Variants in USP33 observed in about 807,000 individuals in gnomAD.
The protein encoded by USP33 is ubiquitin specific peptidase 33, also known as ubiquitin carboxyl-terminal hydrolase 33.
In USP33, 46 loss-of-function variants were observed where a neutral mutation model predicts 124.2. The ratio of observed to expected loss-of-function variants is 0.37; its 90% CI spans 0.29 to 0.47. The LOEUF is 0.47. Ranked by LOEUF, USP33 falls within the 20% of genes least tolerant of loss-of-function variation. The probability of loss-of-function intolerance (pLI) is 0.99; values close to 1 mark genes in which losing one functional copy is unlikely to be tolerated. For missense variants in USP33, 851 were observed against 1,070.6 expected (o/e 0.79, Z 2.86); for synonymous variants, 350 against 352.3 (o/e 0.99, Z 0.07).
At chr1:77,731,065 T>A (rs1389670331) in intron 7 of USP33, among the ~76,000 whole-genome samples, 1 of 152,202 alleles carries the variant, frequency 6.6e-6, no homozygotes, top group Non-Finnish European at 1.5e-5. Context: ...CTCTTGAAAC[T>A]CCTTTTCCCT....
intron 1 of USP33, among the ~76,000 whole-genome samples, chr1:77,758,174 C>CGT (rs1680977210): frequency 7.6e-6 from 1 of 131,816 alleles, no homozygotes; most frequent in African/African-American, 3.1e-5. Flanking sequence ...TTTGTACTGT[C>CGT]CTTTTTTTTT....
intron 20 of USP33, among the ~76,000 whole-genome samples, chr1:77,712,143 A>T (rs1222944465): frequency 2.0e-5 from 3 of 152,232 alleles, no homozygotes; most frequent in Non-Finnish European, 4.4e-5. Flanking sequence ...ATCATACAAC[A>T]TATAAATCTT....
At position 77,740,819 on chromosome 1, in the gene USP33, C is replaced by T. The variant is rs1029444243; in HGVS notation, c.198+58G>A. 6.7e-6 allele frequency: 8 copies of T among 1,202,816 alleles called. No homozygotes were observed. In the Admixed American group the frequency reaches 1.8e-4, roughly 27 times the overall value. The allele number at this position is 1,202,816 out of a possible 1,614,324, so 74.5% of individuals were successfully genotyped here. Reference sequence around the variant, plus strand: ...GAATTAATAATGTTATACTGGCTTTCCCTTTCCTTCAGGCACTTTTTTTAA... The same window carrying T: ...GAATTAATAATGTTATACTGGCTTTTCCTTTCCTTCAGGCACTTTTTTTAA... On this transcript the variant is annotated intron_variant, in intron 4 of 23. Coordinates refer to ENST00000370794, the MANE Select transcript of USP33 (RefSeq NM_201624.3).
At chr1:77,754,505 A>G (rs1680627502) in intron 1 of USP33, among the ~76,000 whole-genome samples, 1 of 152,350 alleles carries the variant, frequency 6.6e-6, no homozygotes, top group Non-Finnish European at 1.5e-5. Context: ...TTCACAAAAG[A>G]AATCAGCTGA....
rs969237778 is a variant in USP33 at position 77,728,307 on chromosome 1, T to C, written c.1123A>G (p.Ser375Gly). ...ACTAAATTGTCACCTGAAGCTCTGCTGTGTATTTGCACTTTGACAGTTTCC... is the reference window on the plus strand; with the variant it reads ...ACTAAATTGTCACCTGAAGCTCTGCCGTGTATTTGCACTTTGACAGTTTCC... ...NQETVKVQIH[S>G]RASEYITDVH... Residue 375 changes from serine to glycine, a missense_variant, in exon 10 of 24, where the codon AGC becomes GGC. Ser to Gly is a moderately conservative substitution (Grantham distance 56, BLOSUM62 0). Coordinates refer to ENST00000370794, the MANE Select transcript of USP33 (RefSeq NM_201624.3). 3 of 1,590,518 alleles carry C rather than the reference T, an allele frequency of 1.9e-6. No homozygotes were observed. The highest frequency in any genetic ancestry group is 1.8e-5 in the Admixed American group (1 of 55,292).
At chr1:77,719,721 C>T (rs748085128) in intron 15 of USP33, among the ~76,000 whole-genome samples, 1 of 151,664 alleles carries the variant, frequency 6.6e-6, no homozygotes, top group African/African-American at 2.4e-5. Flanking sequence ...GGTGTGGTGG[C>T]GGGCACCTGT....
intron 20 of USP33, among the ~76,000 whole-genome samples, chr1:77,712,510 G>A (rs754587185): frequency 9.9e-5 from 15 of 151,764 alleles, no homozygotes; most frequent in Non-Finnish European, 1.8e-4. Context: ...GCGACAGAGC[G>A]AGACTCCATC....
At chr1:77,716,005 T>C (rs1675837999) in intron 17 of USP33, 137 bp from the exon 18 acceptor site, 2 of 914,020 alleles carry the variant, frequency 2.2e-6, no homozygotes, top group South Asian at 4.4e-5. Context: ...TTTTTCAGTT[T>C]GCACGCTTGC....
chr1:77,741,789 T>C (rs1679147751), intron 1 of USP33, 41 bp from the exon 2 acceptor site: 2 of 1,509,632 alleles, frequency 1.3e-6, no homozygotes, highest in African/African-American at 2.8e-5. Context: ...TAATAAATGC[T>C]TACAATGCCT....
chr1:77,749,006 TG>T (rs1315194278), intron 1 of USP33, among the ~76,000 whole-genome samples: 1 of 152,200 alleles, frequency 6.6e-6, no homozygotes, highest in East Asian at 1.9e-4. Flanking sequence ...AAACCTTTCA[TG>T]GGGATTGGGC....
chr1:77,748,757 T>C (rs1243509887), intron 1 of USP33, among the ~76,000 whole-genome samples: 2 of 150,840 alleles, frequency 1.3e-5, no homozygotes, highest in Non-Finnish European at 2.9e-5. Context: ...GAGACTGTTC[T>C]TTTTTGGCAG....
chr1:77,708,905 T>TA (rs145292186), intron 21 of USP33, among the ~76,000 whole-genome samples: 5,687 of 152,156 alleles, frequency 0.037, 168 homozygotes, highest in East Asian at 0.15. Flanking sequence ...AGGCTGGTCT[T>TA]AAACTCCTGG....
At chr1:77,723,708 C>T (rs1422251782) in intron 11 of USP33, among the ~76,000 whole-genome samples, 1 of 151,990 alleles carries the variant, frequency 6.6e-6, no homozygotes, top group Non-Finnish European at 1.5e-5. Flanking sequence ...CTGTTGCCCA[C>T]ACTGGAGTGC....
intron 1 of USP33, among the ~76,000 whole-genome samples, chr1:77,746,711 A>G (rs1199992127): frequency 6.6e-6 from 1 of 152,250 alleles, no homozygotes; most frequent in Non-Finnish European, 1.5e-5. Flanking sequence ...CCTGGGATGC[A>G]AGGCTGGTTC....
intron 1 of USP33, among the ~76,000 whole-genome samples, chr1:77,749,159 T>G (rs1680044989): frequency 6.6e-6 from 1 of 152,246 alleles, no homozygotes; most frequent in Non-Finnish European, 1.5e-5. Context: ...CATTAATGTC[T>G]CCTGTATTTG....
At chr1:77,732,174 T>C (rs2101486907) in intron 7 of USP33, among the ~76,000 whole-genome samples, 1 of 152,232 alleles carries the variant, frequency 6.6e-6, no homozygotes, top group East Asian at 1.9e-4. Context: ...GCAAAGTTAT[T>C]TAAACTTCTG....
In USP33 at chr1:77,714,762, T is replaced by G; in HGVS notation, c.2067A>C (p.Gln689His). The change falls in exon 19 of 24, where the codon CAA becomes CAC. Residue 689 changes from glutamine (Q) to histidine (H), a missense_variant. By Grantham distance (24) the Gln-to-His change is conservative. Around this residue, in one of 4 missense-constraint regions of USP33, gnomAD observed 281 missense variants for 425.0 expected, o/e 0.66. Coordinates refer to ENST00000370794, the MANE Select transcript of USP33 (RefSeq NM_201624.3). ...AATTTGATATCCTTCTCCTCTCTTT[T>G]TGTGCCTCTTCGCTGCTCTTCCTAT... Reference protein sequence around the residue: ...LFYRKSSEEAQKERRRISNLL... With the variant: ...LFYRKSSEEAHKERRRISNLL... 6.2e-7 allele frequency: 1 copy of G among 1,612,196 alleles called. No homozygotes were observed. The highest frequency in any genetic ancestry group is 8.5e-7 in the Non-Finnish European group (1 of 1,179,924).
At chr1:77,747,431 T>A (rs1444271044) in intron 1 of USP33, among the ~76,000 whole-genome samples, 3 of 151,992 alleles carry the variant, frequency 2.0e-5, no homozygotes, top group Non-Finnish European at 4.4e-5. Context: ...ATTTTTAACT[T>A]TCTTTTGTGG....
intron 22 of USP33, among the ~76,000 whole-genome samples, chr1:77,701,080 T>C (rs1294843742): frequency 3.9e-5 from 6 of 152,248 alleles, no homozygotes; most frequent in South Asian, 2.1e-4. Context: ...GAATAAACCA[T>C]ACTTTAAGCA....
Sources: gnomAD v4.1 joint callset for allele counts (sites outside exome capture counted in the v4.1 genomes callset) on GRCh38, gnomAD v4.1.1 for gene constraint, gnomAD v4.1.1 regional missense constraint, MANE v1.5 for transcripts, NCBI Gene and HGNC (gene_info 2026-07-23, HGNC 2026-07-21) for gene names.